MTCH2: variants seen among roughly 807,000 people sequenced by gnomAD.
The protein encoded by MTCH2 is mitochondrial carrier homolog 2.
A neutral mutation model predicts 50.6 loss-of-function variants in MTCH2; 25 were observed. That is an observed-to-expected ratio of 0.49 (90% confidence interval 0.36 to 0.69). MTCH2 has a LOEUF of 0.69. MTCH2 is among the 30% of genes least tolerant of loss of function. MTCH2 has a pLI of 0.00. For missense variants in MTCH2, 273 were observed against 384.4 expected, an observed-to-expected ratio of 0.71 and a Z score of 2.42; for synonymous variants, 106 against 132.0, an observed-to-expected ratio of 0.80 and a Z score of 1.35.
chr11:47,624,660 T>TG, intron 11 of MTCH2, among the ~76,000 whole-genome samples: 1 of 152,260 alleles, frequency 6.6e-6, no homozygotes. Flanking sequence ...TAGCCAGGCA[T>TG]GGTGGCATGC....
At chr11:47,621,879 C>T (rs766303551) in intron 12 of MTCH2, among the ~76,000 whole-genome samples, 20 of 151,312 alleles carry the variant, frequency 1.3e-4, no homozygotes, top group Non-Finnish European at 2.7e-4. Flanking sequence ...ATTTTATTTT[C>T]CTTTTTTGGA....
At chr11:47,630,752 G>A (rs1470324402) in intron 7 of MTCH2, 138 bp from the exon 8 acceptor site, 1 of 800,658 alleles carries the variant, frequency 1.2e-6, no homozygotes, top group African/African-American at 1.7e-5. Context: ...CTCTCACTCT[G>A]CAAAGATAGC....
At position 47,631,378 on chromosome 11, in the gene MTCH2, C is replaced by T. The variant is rs141312611; in HGVS notation, c.427+276G>A. On this transcript the variant is annotated intron_variant, in intron 6 of 12. Transcript: ENST00000302503. ...GAGCCAAGATTGTGCCATTGCACTC[C>T]AGCCTGGGCAACAAGAGTGAAACTC... Among the ~76,000 whole-genome samples the T allele has an allele frequency of 3.3e-4, 50 of 152,070 alleles. 1 individual carries two copies. The East Asian group carries it at 9.7e-3, about 29-fold the overall frequency.
In MTCH2 at chr11:47,623,869, T is replaced by C. The variant is rs375821416; in HGVS notation, c.750-1093A>G. 2.6e-5 allele frequency among the ~76,000 whole-genome samples: 4 copies of C among 152,146 alleles called. No homozygotes were observed. The East Asian group carries it at 5.8e-4, about 22-fold the overall frequency. The stretch of plus-strand genomic sequence containing the variant: ...GAGTTCGAGACCAGCCTGGCCAACA[T>C]GGTGAAACACTGTCTCTACTAGAAA... On this transcript the variant is annotated intron_variant, in intron 11 of 12. Transcript: ENST00000302503.
At chr11:47,628,870 G>A (rs990339169) in intron 9 of MTCH2, 83 bp downstream of exon 9, 32 of 1,268,306 alleles carry the variant, frequency 2.5e-5, no homozygotes, top group South Asian at 5.0e-5. Context: ...GAGCCACCTC[G>A]CCCGGCCCAT....
chr11:47,610,479 T>C, the MTCH2 span, among the ~76,000 whole-genome samples: 7 of 151,812 alleles, frequency 4.6e-5, no homozygotes, highest in African/African-American at 1.7e-4. Flanking sequence ...CCGAGGAGGG[T>C]GGATCACCTG....
At chr11:47,640,257 A>G (rs1160260548) in intron 1 of MTCH2, among the ~76,000 whole-genome samples, 1 of 152,008 alleles carries the variant, frequency 6.6e-6, no homozygotes, top group Non-Finnish European at 1.5e-5. Flanking sequence ...TGAACCTGGG[A>G]GGCGGAGGTT....
rs541447446 is a variant in MTCH2 at position 47,631,694 on chromosome 11, G to C, written c.387C>G (p.Ile129Met). The change falls in exon 6 of 13, where the codon ATC becomes ATG. Residue 129 changes from isoleucine to methionine, a missense_variant. Ile to Met is a conservative substitution (Grantham distance 10). This residue lies in a region of MTCH2 where 203 missense variants were observed against 244.3 expected (regional missense o/e 0.83). Transcript: ENST00000302503. The stretch of plus-strand genomic sequence containing the variant: ...TGATGAGGGTAGCAGCAGAACGAGC[G>C]ATCATCTCTCGAGTTGTCTAGAAAC... ...HVIKETTREM[I>M]ARSAATLITH... 6.2e-7 allele frequency: 1 copy of C among 1,613,916 alleles called. No individual in the cohort carries two copies. Among genetic ancestry groups the C allele is most frequent in the Non-Finnish European group, 8.5e-7 (1 of 1,180,004 alleles).
chr11:47,604,498 G>T, the MTCH2 span, among the ~76,000 whole-genome samples: 5 of 152,272 alleles, frequency 3.3e-5, no homozygotes, highest in African/African-American at 9.6e-5. Context: ...TTCTTGAAGA[G>T]ATGTTTTTCA....
At chr11:47,604,837 T>C in the MTCH2 span, among the ~76,000 whole-genome samples, 1 of 152,228 alleles carries the variant, frequency 6.6e-6, no homozygotes, top group Non-Finnish European at 1.5e-5. Flanking sequence ...ATGCATTTGC[T>C]TATGTGTACT....
At chr11:47,638,426 G>A (rs2097310677) in intron 3 of MTCH2, among the ~76,000 whole-genome samples, 1 of 135,988 alleles carries the variant, frequency 7.4e-6, no homozygotes, top group Non-Finnish European at 1.6e-5. Flanking sequence ...GCGGGAGCCT[G>A]TAGTCCTAGC....
chr11:47,609,626 C>CAAA, the MTCH2 span, among the ~76,000 whole-genome samples: 11 of 88,156 alleles, frequency 1.2e-4, no homozygotes, highest in African/African-American at 1.8e-4. Flanking sequence ...GACTCTGTCT[C>CAAA]AAAAAAAAAA....
chr11:47,606,766 G>T, the MTCH2 span, among the ~76,000 whole-genome samples: 6 of 152,204 alleles, frequency 3.9e-5, no homozygotes, highest in Admixed American at 3.9e-4. Flanking sequence ...AGCACCAGGG[G>T]AGTCTTTCCC....
chr11:47,622,926 A>G (rs1366839433), intron 11 of MTCH2, 150 bp from the exon 12 acceptor site: 1 of 520,588 alleles, frequency 1.9e-6, no homozygotes, highest in African/African-American at 2.0e-5. Context: ...AAGCAGGGGA[A>G]CGATCAAGCA....
chr11:47,637,971 A>C (rs977271212), intron 3 of MTCH2, among the ~76,000 whole-genome samples: 8 of 152,150 alleles, frequency 5.3e-5, no homozygotes, highest in Non-Finnish European at 4.4e-5. Flanking sequence ...TCAGTTTACA[A>C]AATTATTTCT....
At chr11:47,625,876 A>G (rs1005987269) in intron 10 of MTCH2, 135 bp from the exon 11 acceptor site, 3 of 589,358 alleles carry the variant, frequency 5.1e-6, no homozygotes, top group Admixed American at 6.4e-5. Context: ...CCCTGGAAAG[A>G]CAACAGTTAC....
At chr11:47,611,489 A>T in the MTCH2 span, among the ~76,000 whole-genome samples, 1 of 152,256 alleles carries the variant, frequency 6.6e-6, no homozygotes, top group African/African-American at 2.4e-5. Context: ...TGGAAATAAA[A>T]GCAATACCTA....
chr11:47,625,887 A>G (rs563601306), intron 10 of MTCH2, 146 bp from the exon 11 acceptor site: 2 of 564,966 alleles, frequency 3.5e-6, no homozygotes, highest in East Asian at 3.0e-5. Flanking sequence ...CAACAGTTAC[A>G]GTTTTGAGCC....
intron 9 of MTCH2, among the ~76,000 whole-genome samples, chr11:47,627,995 A>ATTTC (rs2097299585): frequency 6.6e-6 from 1 of 152,186 alleles, no homozygotes; most frequent in Admixed American, 6.6e-5. Flanking sequence ...TCCCTGGAAA[A>ATTTC]CCACATTTAT....
Sources: allele counts gnomAD v4.1 joint callset (sites outside exome capture counted in the v4.1 genomes callset), GRCh38; gene constraint gnomAD v4.1.1; regional missense constraint gnomAD v4.1.1; transcripts MANE v1.5; gene names NCBI Gene and HGNC (gene_info 2026-07-23, HGNC 2026-07-21).